Variants in DAPK2 observed in about 807,000 individuals in gnomAD.
The protein encoded by DAPK2 is death-associated protein kinase 2.
DAPK2 carries 35 observed loss-of-function variants against 44.1 expected under a neutral mutation model. That is an observed-to-expected ratio of 0.79 (90% CI 0.61 to 1.05). DAPK2 has a LOEUF of 1.05. Among genes scored for constraint, DAPK2 ranks in the 50% least tolerant of loss-of-function variants. The pLI, the probability that DAPK2 is intolerant of heterozygous loss-of-function variation, is 0.00. For synonymous variants in DAPK2, 174 were observed against 182.6 expected (o/e 0.95, Z 0.38); for missense variants, 453 against 483.2 (o/e 0.94, Z 0.59).
At position 63,930,425 on chromosome 15, in the gene DAPK2, C is replaced by A. The variant is rs1168378918; in HGVS notation, c.614G>T (p.Gly205Val). 3 of 1,614,190 alleles carry A rather than the reference C, an allele frequency of 1.9e-6. No homozygotes were observed. The Admixed American group carries it at 5.0e-5, about 27-fold the overall frequency. ...AACTTACCACATGTCAGCCTCCAGA[C>A]CCAGGGGCTCGTAGTTCACAATTTC... is the stretch of plus-strand genomic sequence containing the variant. The change falls in exon 5 of 11, where the codon GGT (glycine) becomes GTT (valine). Residue 205 changes from glycine to valine, a missense_variant. Gly to Val is a moderately radical substitution (Grantham distance 109). Transcript: ENST00000261891.
At chr15:64,034,039 C>A in intron 1 of DAPK2, among the ~76,000 whole-genome samples, 1 of 152,184 alleles carries the variant, frequency 6.6e-6, no homozygotes, top group Middle Eastern at 3.4e-3. Context: ...ACATTCACCT[C>A]GAATAACTTC....
At chr15:63,999,355 C>G (rs2079026813) in intron 1 of DAPK2, among the ~76,000 whole-genome samples, 1 of 152,172 alleles carries the variant, frequency 6.6e-6, no homozygotes. Context: ...CCACAGCTGC[C>G]AACAGCTGCT....
rs1198920025 is a variant in DAPK2, at chr15:63,912,247, G to A, written c.859-50C>T. 3 of 1,582,178 alleles carry A rather than the reference G, an allele frequency of 1.9e-6. No individual in the cohort carries two copies. Among genetic ancestry groups the A allele is most frequent in the Non-Finnish European group, 1.7e-6 (2 of 1,154,326 alleles). ...AGCTGATGCTGGGCTTCAGACAGCA[G>A]CCACCCTCCTCGCCGCAGAACTCCC... On this transcript the variant is annotated intron_variant, in intron 8 of 10. Coordinates refer to ENST00000261891, the Ensembl canonical transcript of DAPK2. The surrounding 1 kb of genome is among the most constrained non-coding windows in gnomAD (Gnocchi z 4.4).
At position 63,923,728 on chromosome 15, in the gene DAPK2, C is replaced by A. The variant is rs2079156422; in HGVS notation, c.858+1088G>T. Among the ~76,000 whole-genome samples the A allele has an allele frequency of 6.6e-6, 1 of 152,232 alleles. No individual in the cohort carries two copies. The highest frequency in any genetic ancestry group is 2.4e-5 in the African/African-American group (1 of 41,478). ...CATCTCTCCTTCAGGGCTCCTTGGGCCTTCCCCATCCTTCAATGAGCTGAT... is the reference window on the plus strand; with the variant it reads ...CATCTCTCCTTCAGGGCTCCTTGGGACTTCCCCATCCTTCAATGAGCTGAT... On this transcript the variant is annotated intron_variant, in intron 8 of 10. Transcript: ENST00000261891. The surrounding 1 kb of genome is among the most constrained non-coding windows in gnomAD (Gnocchi z 4.2).
chr15:64,028,999 A>G (rs1256432046), intron 1 of DAPK2, among the ~76,000 whole-genome samples: 2 of 152,232 alleles, frequency 1.3e-5, no homozygotes, highest in East Asian at 3.8e-4. Flanking sequence ...GGAAAGGTAC[A>G]TATTTAAAAA....
upstream of DAPK2, among the ~76,000 whole-genome samples, chr15:64,044,335 C>T (rs1330422554): frequency 6.6e-6 from 1 of 152,158 alleles, no homozygotes; most frequent in South Asian, 2.1e-4. Context: ...TTCCTAGAAC[C>T]CCATAGATCA....
At chr15:64,033,177 T>C (rs1360749759) in intron 1 of DAPK2, among the ~76,000 whole-genome samples, 3 of 151,310 alleles carry the variant, frequency 2.0e-5, no homozygotes, top group Non-Finnish European at 4.4e-5. Context: ...GGACGATTGC[T>C]TGAGCCCAGG....
At chr15:63,970,157 A>G (rs1207744560) in intron 3 of DAPK2, among the ~76,000 whole-genome samples, 2 of 152,190 alleles carry the variant, frequency 1.3e-5, no homozygotes, top group African/African-American at 2.4e-5. Context: ...AAACAAGTAC[A>G]TGCTTACCTC....
rs143584007 is a variant in DAPK2 at position 64,036,888 on chromosome 15, C to T, written c.92+3282G>A. ...GGCAGAAGGTGGGGCCTTGACACCCCAAAACTACTCCAAAGGCTCGATCTG... is the reference window on the plus strand; with the variant it reads ...GGCAGAAGGTGGGGCCTTGACACCCTAAAACTACTCCAAAGGCTCGATCTG... On this transcript the variant is annotated intron_variant, in intron 1 of 10. Coordinates refer to ENST00000261891, the Ensembl canonical transcript of DAPK2. 5.4e-3 allele frequency among the ~76,000 whole-genome samples: 819 copies of T among 152,194 alleles called. 5 individuals are homozygous for T. The highest frequency in any genetic ancestry group is 8.7e-3 in the Non-Finnish European group (594 of 68,004).
rs185422319 is a variant in DAPK2, at chr15:63,963,045, C to G, written c.453+8378G>C. ...CTTTGTTTACCTACTCAAGCCTCAG[C>G]AATGGCAGATGCCCCTCCCCAAGCC... On this transcript the variant is annotated intron_variant, in intron 3 of 10. Coordinates refer to ENST00000261891, the Ensembl canonical transcript of DAPK2. Among the ~76,000 whole-genome samples, 29 of 152,230 alleles carry G rather than the reference C, an allele frequency of 1.9e-4. No individual in the cohort carries two copies. In the East Asian group the frequency reaches 5.0e-3, roughly 26 times the overall value.
intron 8 of DAPK2, chr15:63,922,587 A>T: frequency 1.4e-6 from 2 of 1,416,176 alleles, no homozygotes; most frequent in Non-Finnish European, 1.8e-6. Context: ...CTGGCACCTC[A>T]GCAATTCTGG....
At chr15:63,995,946 A>G (rs2078940721) in intron 1 of DAPK2, among the ~76,000 whole-genome samples, 1 of 152,240 alleles carries the variant, frequency 6.6e-6, no homozygotes, top group Non-Finnish European at 1.5e-5. Context: ...TTCAGAAATT[A>G]CCAGAAAGAT....
Position 64,020,365 on chromosome 15 carries a change from T to A in DAPK2, c.92+19805A>T, listed in dbSNP as rs2079649209. On this transcript the variant is annotated intron_variant, in intron 1 of 10. Transcript: ENST00000261891. The surrounding 1 kb of genome is among the most constrained non-coding windows in gnomAD (Gnocchi z 4.5). ...GGGATAGAACCCATTTCATCAGGAC[T>A]GGAAACTGGGCACTTGCTCTGAAAT... 1.3e-5 allele frequency among the ~76,000 whole-genome samples: 2 copies of A among 152,196 alleles called. No homozygotes were observed. Among genetic ancestry groups the A allele is most frequent in the Admixed American group, 6.5e-5 (1 of 15,284 alleles).
At chr15:63,930,630 C>T (rs912660530) in intron 4 of DAPK2, among the ~76,000 whole-genome samples, 175 bp from the exon 6 acceptor site, 5 of 152,130 alleles carry the variant, frequency 3.3e-5, no homozygotes, top group African/African-American at 1.2e-4. Flanking sequence ...GTTGCCATGG[C>T]CCAAATGTTT....
intron 1 of DAPK2, among the ~76,000 whole-genome samples, chr15:64,030,489 G>A (rs1239853338): frequency 6.6e-6 from 1 of 152,036 alleles, no homozygotes; most frequent in Non-Finnish European, 1.5e-5. Flanking sequence ...CCTCATCAAG[G>A]CTGCAGGATG....
exon 2 of DAPK2, chr15:63,983,669 G>T: frequency 6.2e-7 from 1 of 1,613,906 alleles, no homozygotes; most frequent in Non-Finnish European, 8.5e-7. Context: ...CGGCTCGCCC[G>T]GCTCTGCCGC....
rs2078955965 is a variant in DAPK2, at chr15:63,917,405, G to C, written c.859-5208C>G. The C allele has an allele frequency of 6.6e-6, 1 of 151,790 alleles. No individual in the cohort carries two copies. The highest frequency in any genetic ancestry group is 2.4e-5 in the African/African-American group (1 of 41,350). 9.4% of individuals were successfully genotyped at this position (151,790 alleles called of 1,614,324 possible). On this transcript the variant is annotated intron_variant, in intron 8 of 10. Transcript: ENST00000261891. The surrounding 1 kb of genome is among the most constrained non-coding windows in gnomAD (Gnocchi z 4.4). The stretch of plus-strand genomic sequence containing the variant: ...AAAAAGAAGAAGAAAATCCTTAGCA[G>C]AGATTTATGCTGGAGAACTTATGAG...
chr15:63,936,301 C>T (rs2077145190), intron 4 of DAPK2, among the ~76,000 whole-genome samples: 1 of 152,228 alleles, frequency 6.6e-6, no homozygotes, highest in Non-Finnish European at 1.5e-5. Flanking sequence ...GAAGGAGTTA[C>T]TATGTTTAAA....
intron 1 of DAPK2, among the ~76,000 whole-genome samples, chr15:64,023,421 C>T (rs2079748046): frequency 6.6e-6 from 1 of 152,202 alleles, no homozygotes; most frequent in South Asian, 2.1e-4. Context: ...GTGGTACACA[C>T]ACACGGTGGG....
Sources: gnomAD v4.1 joint callset for allele counts (sites outside exome capture counted in the v4.1 genomes callset) on GRCh38, gnomAD v4.1.1 for gene constraint, Gnocchi (gnomAD v3.1) non-coding constraint, MANE v1.5 for transcripts, NCBI Gene and HGNC (gene_info 2026-07-23, HGNC 2026-07-21) for gene names.